Variants in HYCC1 observed in about 807,000 individuals in gnomAD.
HYCC1 encodes hyccin PI4KA lipid kinase complex subunit 1.
chr7:22,966,808 G>A, the HYCC1 span, among the ~76,000 whole-genome samples: 4 of 152,048 alleles, frequency 2.6e-5, no homozygotes, highest in Non-Finnish European at 4.4e-5. Context: ...CAACATAAAT[G>A]CATTTGATAT....
chr7:22,953,884 T>A, the HYCC1 span, among the ~76,000 whole-genome samples: 5 of 151,768 alleles, frequency 3.3e-5, no homozygotes, highest in African/African-American at 7.2e-5. Context: ...TTACATTTTT[T>A]AAAATAAAAC....
chr7:22,925,040 G>T, the HYCC1 span, among the ~76,000 whole-genome samples: 1 of 152,158 alleles, frequency 6.6e-6, no homozygotes, highest in Non-Finnish European at 1.5e-5. Context: ...CAGCTGTTCT[G>T]CAGCCACCGC....
the HYCC1 span, among the ~76,000 whole-genome samples, chr7:22,897,754 C>T: frequency 2.0e-4 from 30 of 151,862 alleles, no homozygotes; most frequent in African/African-American, 7.2e-4. Context: ...TACAGGTGCT[C>T]GCTACCACAC....
At chr7:22,909,658 T>A in the HYCC1 span, among the ~76,000 whole-genome samples, 1 of 152,184 alleles carries the variant, frequency 6.6e-6, no homozygotes, top group East Asian at 1.9e-4. Flanking sequence ...ACACCTACAA[T>A]GCTCTGAACA....
chr7:22,986,133 T>C, the HYCC1 span, among the ~76,000 whole-genome samples: 8 of 152,094 alleles, frequency 5.3e-5, no homozygotes, highest in African/African-American at 1.9e-4. Flanking sequence ...TAAAATATTT[T>C]CTGTGAAACA....
chr7:22,936,836 A>G, the HYCC1 span: 1 of 152,218 alleles, frequency 6.6e-6, no homozygotes, highest in African/African-American at 2.4e-5. Flanking sequence ...CATGCTGTGC[A>G]ATACTGCTTG....
the HYCC1 span, among the ~76,000 whole-genome samples, chr7:22,991,986 A>G: frequency 2.2e-4 from 33 of 152,106 alleles, no homozygotes; most frequent in Non-Finnish European, 2.5e-4. Context: ...TGGGTAAGAT[A>G]TATTTGCCTT....
the HYCC1 span, chr7:22,961,289 T>C: frequency 1.2e-6 from 2 of 1,606,552 alleles, no homozygotes; most frequent in Non-Finnish European, 1.7e-6. Context: ...TATCATCCAG[T>C]GCTTTTTGAG....
At chr7:23,002,158 A>ACACAAT in the HYCC1 span, among the ~76,000 whole-genome samples, 4 of 54,212 alleles carry the variant, frequency 7.4e-5, no homozygotes, top group Admixed American at 2.1e-4. Context: ...ATATATATAT[A>ACACAAT]TATATATATA....
the HYCC1 span, among the ~76,000 whole-genome samples, chr7:22,903,592 AAATT>A: frequency 6.6e-6 from 1 of 152,218 alleles, no homozygotes; most frequent in African/African-American, 2.4e-5. Flanking sequence ...CCCACAAAGT[AAATT>A]CTAGGACACT....
the HYCC1 span, among the ~76,000 whole-genome samples, chr7:22,986,854 C>A: frequency 6.6e-6 from 1 of 151,944 alleles, no homozygotes; most frequent in East Asian, 1.9e-4. Context: ...TCTCAAAAAA[C>A]AACAACAACA....
At chr7:23,002,154 AT>A in the HYCC1 span, among the ~76,000 whole-genome samples, 26,263 of 68,444 alleles carry the variant, frequency 0.38, 3,246 homozygotes, top group South Asian at 0.47. Flanking sequence ...ATATATATAT[AT>A]ATATATATAT....
the HYCC1 span, chr7:22,946,180 C>T: frequency 6.2e-7 from 1 of 1,600,440 alleles, no homozygotes; most frequent in Non-Finnish European, 8.6e-7. Context: ...AAAGAAATGA[C>T]AAAGATTAAT....
the HYCC1 span, among the ~76,000 whole-genome samples, chr7:22,953,985 G>A: frequency 2.6e-5 from 4 of 151,532 alleles, no homozygotes; most frequent in East Asian, 1.9e-4. Flanking sequence ...TTTAATTGCC[G>A]ATGTAAAAAT....
the HYCC1 span, among the ~76,000 whole-genome samples, chr7:22,952,677 T>C: frequency 4.6e-5 from 7 of 152,076 alleles, no homozygotes; most frequent in African/African-American, 1.7e-4. Flanking sequence ...TTTTTATCAA[T>C]AGAAGTCACA....
the HYCC1 span, among the ~76,000 whole-genome samples, chr7:22,958,161 C>A: frequency 6.6e-6 from 1 of 152,046 alleles, no homozygotes; most frequent in Non-Finnish European, 1.5e-5. Flanking sequence ...AAGTAGGAAG[C>A]AGGACCATGA....
At chr7:23,004,377 T>A in the HYCC1 span, among the ~76,000 whole-genome samples, 1 of 152,212 alleles carries the variant, frequency 6.6e-6, no homozygotes, top group Non-Finnish European at 1.5e-5. Context: ...AAACCTAAAT[T>A]CAGTAAATCA....
the HYCC1 span, chr7:22,938,957 T>C: frequency 2.0e-5 from 3 of 152,134 alleles, no homozygotes; most frequent in African/African-American, 7.2e-5. Flanking sequence ...TCCTCCCCCA[T>C]ACTAGCAAAC....
chr7:22,898,528 A>G, the HYCC1 span, among the ~76,000 whole-genome samples: 4 of 148,044 alleles, frequency 2.7e-5, no homozygotes, highest in Non-Finnish European at 4.5e-5. Flanking sequence ...TGCATTTTTT[A>G]TGGAGACAGG....
Sources: allele counts gnomAD v4.1 joint callset (sites outside exome capture counted in the v4.1 genomes callset), GRCh38; gene constraint gnomAD v4.1.1; transcripts MANE v1.5; gene names NCBI Gene and HGNC (gene_info 2026-07-23, HGNC 2026-07-21).